NSUN2: variants seen among roughly 807,000 people sequenced by gnomAD.
NSUN2 encodes NOP2/Sun RNA methyltransferase 2.
A neutral mutation model predicts 92.7 loss-of-function variants in NSUN2; 63 were observed. The observed-to-expected ratio is 0.68, with a 90% CI of 0.56 to 0.84. The LOEUF is 0.84. Ranked by LOEUF, NSUN2 falls within the 40% of genes least tolerant of loss-of-function variation. The pLI is 0.00. For synonymous variants in NSUN2, 356 were observed against 348.3 expected (o/e 1.02, Z -0.25); for missense variants, 989 against 964.9 (o/e 1.02, Z -0.33).
At chr5:6,631,607 G>A (rs1387327873) in intron 3 of NSUN2, among the ~76,000 whole-genome samples, 2 of 152,226 alleles carry the variant, frequency 1.3e-5, no homozygotes, top group Admixed American at 1.3e-4. Flanking sequence ...AAGGGAGCTG[G>A]CGGAAGTGGT....
intron 13 of NSUN2, 89 bp downstream of exon 13, chr5:6,607,111 G>A: frequency 2.2e-6 from 3 of 1,387,914 alleles, no homozygotes; most frequent in East Asian, 2.3e-5. Context: ...CCCTCAAACC[G>A]ACCAAGAAGT....
chr5:6,601,355 A>G (rs1393127532), intron 18 of NSUN2, among the ~76,000 whole-genome samples: 1 of 152,118 alleles, frequency 6.6e-6, no homozygotes, highest in East Asian at 1.9e-4. Flanking sequence ...AAAAACACCC[A>G]GAAGCCATCA....
In NSUN2 at chr5:6,625,671, T is replaced by A. The variant is rs758250133; in HGVS notation, c.360-2A>T. On this transcript the variant is annotated splice_acceptor_variant, in intron 3 of 18. Transcript: ENST00000264670. LOFTEE classifies it high-confidence loss of function. Reference sequence around the variant, plus strand: ...TGCCAGGCAAGTTCTTCAGGATACCTGACCAAAAAGAAAGCAAAACATTTA... The same window carrying A: ...TGCCAGGCAAGTTCTTCAGGATACCAGACCAAAAAGAAAGCAAAACATTTA... 2.5e-6 allele frequency: 4 copies of A among 1,610,260 alleles called. No homozygotes were observed. The South Asian group carries it at 4.4e-5, about 18-fold the overall frequency.
chr5:6,618,218 T>A (rs1205713577), intron 7 of NSUN2, among the ~76,000 whole-genome samples, 194 bp from the exon 8 acceptor site: 1 of 152,232 alleles, frequency 6.6e-6, no homozygotes. Context: ...TAGTTTTAAA[T>A]TATACTTCAA....
At chr5:6,629,759 C>CG (rs1431935702) in intron 3 of NSUN2, among the ~76,000 whole-genome samples, 3 of 152,114 alleles carry the variant, frequency 2.0e-5, no homozygotes, top group Non-Finnish European at 4.4e-5. Flanking sequence ...ATTAAATCCC[C>CG]GGGCCGTTTC....
At chr5:6,625,041 T>TGTGCTTAGGGGTTTTGTG (rs1338259132) in intron 4 of NSUN2, among the ~76,000 whole-genome samples, 2 of 151,776 alleles carry the variant, frequency 1.3e-5, no homozygotes, top group Non-Finnish European at 2.9e-5. Flanking sequence ...GGACCAAAGC[T>TGTGCTTAGGGGTTTTGTG]GTGCTTAGGG....
At chr5:6,619,602 A>C (rs920221699) in intron 7 of NSUN2, among the ~76,000 whole-genome samples, 3 of 152,252 alleles carry the variant, frequency 2.0e-5, no homozygotes, top group African/African-American at 7.2e-5. Context: ...TATCTCAAGA[A>C]AGGTATAAAA....
chr5:6,615,730 C>T (rs371847830), intron 9 of NSUN2, among the ~76,000 whole-genome samples: 1 of 152,244 alleles, frequency 6.6e-6, no homozygotes, highest in African/African-American at 2.4e-5. Flanking sequence ...CTCTCACTGA[C>T]TATGCACCAA....
Position 6,609,901 on chromosome 5 carries a change from A to AT in NSUN2, c.1247dup (p.His416GlnfsTer22). On this transcript the variant is annotated frameshift_variant, in exon 12 of 19. Transcript: ENST00000264670. LOFTEE classifies it high-confidence loss of function. ...CCACAAAAAACCCTCCAGTATTCTG[A>AT]TGATGGGGTAATATCCTAAGGCTAA... is the stretch of plus-strand genomic sequence containing the variant. The AT allele has an allele frequency of 6.2e-7, 1 of 1,612,388 alleles. No homozygotes were observed. The highest frequency in any genetic ancestry group is 8.5e-7 in the Non-Finnish European group (1 of 1,178,668).
intron 10 of NSUN2, among the ~76,000 whole-genome samples, chr5:6,611,413 C>A: frequency 1.6e-5 from 2 of 122,400 alleles, no homozygotes. Context: ...TGAATTACTT[C>A]ATATTGGAAA....
At chr5:6,621,969 T>C (rs112636977) in intron 6 of NSUN2, 47 bp downstream of exon 6, 4 of 1,491,206 alleles carry the variant, frequency 2.7e-6, no homozygotes, top group East Asian at 4.5e-5. Context: ...GTCTACAATC[T>C]GCCAAAGTGG....
At chr5:6,626,995 G>A (rs1276976768) in intron 3 of NSUN2, among the ~76,000 whole-genome samples, 3 of 152,114 alleles carry the variant, frequency 2.0e-5, no homozygotes, top group African/African-American at 7.2e-5. Context: ...GCCCGACACT[G>A]CTCAAGTCAA....
At chr5:6,604,923 C>T (rs1736701004) in intron 15 of NSUN2, 1 of 602,462 alleles carries the variant, frequency 1.7e-6, no homozygotes, top group African/African-American at 1.9e-5. Context: ...AAGGGAAGTA[C>T]CTCAAAGGAC....
chr5:6,628,420 T>C (rs529194643), intron 3 of NSUN2, among the ~76,000 whole-genome samples: 25 of 152,340 alleles, frequency 1.6e-4, no homozygotes, highest in African/African-American at 5.1e-4. Context: ...GTCAAAACAA[T>C]GCTTCTATAA....
intron 7 of NSUN2, among the ~76,000 whole-genome samples, chr5:6,618,503 T>C (rs1461444354): frequency 6.6e-6 from 1 of 152,204 alleles, no homozygotes; most frequent in African/African-American, 2.4e-5. Flanking sequence ...CTACTTTTAT[T>C]TAATGGAAGT....
intron 12 of NSUN2, among the ~76,000 whole-genome samples, chr5:6,609,380 T>C (rs781710941): frequency 1.3e-5 from 2 of 152,198 alleles, no homozygotes; most frequent in African/African-American, 2.4e-5. Flanking sequence ...TGCATCTTTC[T>C]AGCCAGGTCT....
At chr5:6,606,984 T>C in intron 13 of NSUN2, 72 bp from the exon 14 acceptor site, 1 of 1,050,374 alleles carries the variant, frequency 9.5e-7, no homozygotes, top group Non-Finnish European at 1.4e-6. Context: ...AAGCACATTC[T>C]TCCTTTCTGT....
In NSUN2 at chr5:6,603,495, T is replaced by A. The variant is rs970673227; in HGVS notation, c.1957+643A>T. Among the ~76,000 whole-genome samples the A allele has an allele frequency of 3.3e-5, 5 of 151,992 alleles. No individual in the cohort carries two copies. The East Asian group carries it at 9.7e-4, about 29-fold the overall frequency. On this transcript the variant is annotated intron_variant, in intron 17 of 18. Coordinates refer to ENST00000264670, the MANE Select transcript of NSUN2 (RefSeq NM_017755.6). ...TCACAAGGTCAGGAGATTGAGACCA[T>A]CCTGGCTAACACGGTGAAACCCCGT...
chr5:6,631,529 C>G (rs1162069172), intron 3 of NSUN2, among the ~76,000 whole-genome samples: 1 of 152,210 alleles, frequency 6.6e-6, no homozygotes, highest in Non-Finnish European at 1.5e-5. Flanking sequence ...CAAGCTAAGT[C>G]TGTCCTTTTT....
Sources: allele counts gnomAD v4.1 joint callset (sites outside exome capture counted in the v4.1 genomes callset), GRCh38; gene constraint gnomAD v4.1.1; transcripts MANE v1.5; gene names NCBI Gene and HGNC (gene_info 2026-07-23, HGNC 2026-07-21).